USH2A: variants seen among roughly 807,000 people sequenced by gnomAD.
USH2A encodes usherin, also known as Usher syndrome 2A (autosomal recessive, mild).
In USH2A, 443 loss-of-function variants were observed where a neutral mutation model predicts 538.9. That is an observed-to-expected ratio of 0.82 (90% CI 0.76 to 0.89). USH2A has a LOEUF of 0.89. Ranked by LOEUF, USH2A falls within the 40% of genes least tolerant of loss-of-function variation. The pLI, the probability that USH2A is intolerant of heterozygous loss-of-function variation, is 0.00. For synonymous variants in USH2A, 2,413 were observed against 2,273.5 expected (o/e 1.06, Z -1.75); for missense variants, 6,633 against 6,324.8 (o/e 1.05, Z -1.65).
intron 56 of USH2A, among the ~76,000 whole-genome samples, chr1:215,766,097 G>C (rs1402372966): frequency 6.6e-6 from 1 of 152,116 alleles, no homozygotes; most frequent in African/African-American, 2.4e-5. Context: ...CCTTCCAACT[G>C]TGTCTGGTTG....
intron 44 of USH2A, among the ~76,000 whole-genome samples, chr1:215,852,376 C>T (rs767554119): frequency 2.6e-5 from 4 of 152,120 alleles, no homozygotes; most frequent in Non-Finnish European, 5.9e-5. Flanking sequence ...TCAATTATCT[C>T]CCACTGGGTC....
chr1:215,726,287 T>C (rs1370617000), intron 61 of USH2A, among the ~76,000 whole-genome samples: 1 of 152,166 alleles, frequency 6.6e-6, no homozygotes, highest in Non-Finnish European at 1.5e-5. Context: ...CTTCTAATGC[T>C]TATCATATAG....
At chr1:215,839,161 T>C (rs1007519615) in intron 46 of USH2A, among the ~76,000 whole-genome samples, 1 of 152,140 alleles carries the variant, frequency 6.6e-6, no homozygotes, top group African/African-American at 2.4e-5. Flanking sequence ...TTAAACACTA[T>C]CAAGGGCCTA....
chr1:216,046,393 A>G, intron 32 of USH2A, 38 bp downstream of exon 32: 1 of 1,611,858 alleles, frequency 6.2e-7, no homozygotes. Flanking sequence ...ATTTGAATAT[A>G]GACTATAACA....
chr1:216,072,035 A>G (rs1222157481), intron 29 of USH2A, among the ~76,000 whole-genome samples: 6 of 152,172 alleles, frequency 3.9e-5, no homozygotes, highest in Admixed American at 3.9e-4. Context: ...GATGCCTGGG[A>G]TAGTAACCTA....
intron 9 of USH2A, among the ~76,000 whole-genome samples, chr1:216,298,896 A>G (rs1165431026): frequency 6.6e-6 from 1 of 150,778 alleles, no homozygotes; most frequent in African/African-American, 2.4e-5. Flanking sequence ...GCTGGAGTGC[A>G]GTGGCGCAAT....
chr1:215,815,042 G>T (rs765753880), intron 48 of USH2A, among the ~76,000 whole-genome samples: 1 of 152,056 alleles, frequency 6.6e-6, no homozygotes, highest in Non-Finnish European at 1.5e-5. Context: ...CGCAATACAA[G>T]TCTCTTTTCT....
chr1:216,135,369 T>G (rs2033465527), intron 21 of USH2A, among the ~76,000 whole-genome samples: 1 of 152,100 alleles, frequency 6.6e-6, no homozygotes, highest in Non-Finnish European at 1.5e-5. Context: ...TTATATAATA[T>G]TTTGCATATT....
intron 32 of USH2A, 123 bp from the exon 33 acceptor site, chr1:216,000,685 A>AGCC (rs1668249140): frequency 8.1e-7 from 1 of 1,231,538 alleles, no homozygotes; most frequent in Non-Finnish European, 1.2e-6. Context: ...ATGAATAAAT[A>AGCC]GCCATAAAAA....
chr1:216,161,662 T>C (rs944896984), intron 21 of USH2A, among the ~76,000 whole-genome samples: 1 of 152,100 alleles, frequency 6.6e-6, no homozygotes, highest in African/African-American at 2.4e-5. Flanking sequence ...TCTTTTCCTA[T>C]GTCCTAATAC....
At chr1:215,706,525 A>T (rs1312774870) in intron 61 of USH2A, among the ~76,000 whole-genome samples, 1 of 152,132 alleles carries the variant, frequency 6.6e-6, no homozygotes, top group Non-Finnish European at 1.5e-5. Flanking sequence ...GCATGAATGG[A>T]CCACTGAGAA....
intron 58 of USH2A, among the ~76,000 whole-genome samples, chr1:215,756,438 T>C (rs180900657): frequency 1.3e-5 from 2 of 152,286 alleles, no homozygotes; most frequent in South Asian, 2.1e-4. Flanking sequence ...GGCAAAGAAA[T>C]CATCAACCTT....
intron 37 of USH2A, among the ~76,000 whole-genome samples, chr1:215,948,319 A>G (rs1447772647): frequency 6.6e-6 from 1 of 151,748 alleles, no homozygotes; most frequent in Non-Finnish European, 1.5e-5. Context: ...TGTTAAGGCT[A>G]TATCAGCAAC....
Position 216,092,376 on chromosome 1 carries a change from G to A in USH2A, c.4759-3237C>T, listed in dbSNP as rs999405617. ...AAGTATTCACTAGATAATCTCGTCC[G>A]CATTTAAAGATTAAAGGAGAAAAAC... On this transcript the variant is annotated intron_variant, in intron 22 of 71. Coordinates refer to ENST00000307340, the MANE Select transcript of USH2A (RefSeq NM_206933.4). Among the ~76,000 whole-genome samples the A allele has an allele frequency of 1.2e-4, 18 of 152,140 alleles. No homozygotes were observed. In the East Asian group the frequency reaches 1.4e-3, roughly 11 times the overall value.
chr1:215,779,837 T>A lies in USH2A; in HGVS notation c.10939+6A>T. 1 of 1,613,712 alleles carries A rather than the reference T, an allele frequency of 6.2e-7. No individual in the cohort carries two copies. Among genetic ancestry groups the A allele is most frequent in the South Asian group, 1.1e-5 (1 of 91,074 alleles). On this transcript the variant is annotated splice_donor_region_variant and intron_variant, in intron 55 of 71. Coordinates refer to ENST00000307340, the MANE Select transcript of USH2A (RefSeq NM_206933.4). ...AGTAGGATTTCCTTTTTTTTTGTTT[T>A]CTCACCTGTGACCGTATGCTGTCTC...
intron 37 of USH2A, among the ~76,000 whole-genome samples, chr1:215,958,451 T>TGG (rs1667123003): frequency 6.6e-6 from 1 of 152,186 alleles, no homozygotes; most frequent in Admixed American, 6.5e-5. Context: ...TCTGCATTTC[T>TGG]GCAGTTTCCG....
At chr1:216,397,288 A>G (rs2039227613) in intron 3 of USH2A, among the ~76,000 whole-genome samples, 1 of 152,234 alleles carries the variant, frequency 6.6e-6, no homozygotes, top group Non-Finnish European at 1.5e-5. Flanking sequence ...ACTTGCCAAT[A>G]CACTTGACCA....
intron 38 of USH2A, among the ~76,000 whole-genome samples, chr1:215,923,774 A>G (rs1359208306): frequency 1.1e-4 from 17 of 152,084 alleles, no homozygotes; most frequent in Admixed American, 1.1e-3. Flanking sequence ...CTAATATCCT[A>G]TTATATGCCT....
In USH2A at chr1:216,324,329, G is replaced by T. The variant is rs1256614650; in HGVS notation, c.1167C>A (p.Phe389Leu). Residue 389 changes from phenylalanine to leucine, a missense_variant, in exon 7 of 72, where the codon TTC (phenylalanine) becomes TTA (leucine). Transcript: ENST00000307340. Reference protein sequence around the residue: ...QYQVFYIIIQFFSPQPTEIRI... With the variant: ...QYQVFYIIIQLFSPQPTEIRI... Reference sequence around the variant, plus strand: ...TTATTTCCGTTGGTTGTGGACTAAAGAACTGAATGATAATATAAAACACCT... The same window carrying T: ...TTATTTCCGTTGGTTGTGGACTAAATAACTGAATGATAATATAAAACACCT... The T allele has an allele frequency of 4.3e-6, 7 of 1,611,776 alleles. No homozygotes were observed. In the Admixed American group the frequency reaches 5.0e-5, roughly 12 times the overall value.
Sources: allele counts gnomAD v4.1 joint callset (sites outside exome capture counted in the v4.1 genomes callset), GRCh38; gene constraint gnomAD v4.1.1; transcripts MANE v1.5; gene names NCBI Gene and HGNC (gene_info 2026-07-23, HGNC 2026-07-21).